Variants in GRIK4 observed in about 807,000 individuals in gnomAD.
GRIK4 encodes glutamate ionotropic receptor kainate type subunit 4, also known as glutamate receptor ionotropic, kainate 4.
Under a neutral mutation model 104.9 loss-of-function variants are expected in GRIK4, and 40 were observed. That is an observed-to-expected ratio of 0.38 (90% CI 0.30 to 0.50). The LOEUF is 0.50. Among genes scored for constraint, GRIK4 ranks in the 20% least tolerant of loss-of-function variants. The pLI, the probability that GRIK4 is intolerant of heterozygous loss-of-function variation, is 0.93. For synonymous variants in GRIK4, 485 were observed against 524.9 expected (o/e 0.92, Z 1.04); for missense variants, 1,047 against 1,308.1 (o/e 0.80, Z 3.08).
At chr11:120,831,789 G>T in intron 6 of GRIK4, 63 bp from the exon 7 acceptor site, 2 of 1,344,066 alleles carry the variant, frequency 1.5e-6, no homozygotes, top group Middle Eastern at 1.9e-4. Context: ...TCCTGCTTCT[G>T]CCCAGGTGTC....
chr11:120,897,973 CTG>C (rs1003798139), intron 11 of GRIK4, among the ~76,000 whole-genome samples: 5 of 152,058 alleles, frequency 3.3e-5, no homozygotes, highest in African/African-American at 9.7e-5. Flanking sequence ...CATGGGGAAA[CTG>C]GGGTTCTGAA....
Position 120,940,216 on chromosome 11 carries a change from T to C in GRIK4, c.1477-131T>C. ...TTCAGATCTGTATGCAGTGTTGACT[T>C]AGAGCCACTCCTCAAGCAAGAAGCC... On this transcript the variant is annotated intron_variant, in intron 13 of 20. Coordinates refer to ENST00000527524, the MANE Select transcript of GRIK4 (RefSeq NM_014619.5). This position sits in a 1 kb window ranked among gnomAD's most constrained non-coding sequence, Gnocchi z 4.3. The C allele has an allele frequency of 1.6e-6, 1 of 624,078 alleles. No homozygotes were observed. Among genetic ancestry groups the C allele is most frequent in the East Asian group, 2.7e-5 (1 of 37,138 alleles). 38.7% of individuals were successfully genotyped at this position (624,078 alleles called of 1,614,324 possible).
intron 3 of GRIK4, among the ~76,000 whole-genome samples, chr11:120,725,895 ATGG>A (rs1206632239): frequency 6.6e-6 from 1 of 152,202 alleles, no homozygotes; most frequent in Admixed American, 6.5e-5. Flanking sequence ...AATTCTAGTG[ATGG>A]TGGTGGTGGG....
At chr11:120,957,962 T>TAA (rs2134717007) in intron 16 of GRIK4, among the ~76,000 whole-genome samples, 1 of 152,340 alleles carries the variant, frequency 6.6e-6, no homozygotes, top group East Asian at 1.9e-4. Flanking sequence ...GCTTGCCTGT[T>TAA]ACCAGATAGT....
At chr11:120,871,607 G>C (rs964231899) in intron 9 of GRIK4, 1 of 456,270 alleles carries the variant, frequency 2.2e-6, no homozygotes, top group Non-Finnish European at 4.4e-6. Flanking sequence ...TGGGACCAAG[G>C]GACAGACAGG....
chr11:120,826,588 GA>G (rs1479242344), intron 6 of GRIK4, among the ~76,000 whole-genome samples: 10 of 152,350 alleles, frequency 6.6e-5, no homozygotes, highest in African/African-American at 2.4e-4. Flanking sequence ...AACACATCCT[GA>G]AATCAGGAGG....
intron 13 of GRIK4, among the ~76,000 whole-genome samples, chr11:120,924,468 G>GT (rs1184985403): frequency 1.3e-5 from 2 of 152,052 alleles, no homozygotes; most frequent in Non-Finnish European, 2.9e-5. Flanking sequence ...TGCACAAATC[G>GT]TAAGTGACAG....
At chr11:120,561,803 G>A (rs1026298617) in intron 1 of GRIK4, among the ~76,000 whole-genome samples, 5 of 152,184 alleles carry the variant, frequency 3.3e-5, no homozygotes, top group Non-Finnish European at 7.4e-5. Flanking sequence ...AGTCTTAGCT[G>A]TTTCTTTTTC....
At chr11:120,556,184 C>G (rs1249817124) in intron 1 of GRIK4, among the ~76,000 whole-genome samples, 1 of 152,102 alleles carries the variant, frequency 6.6e-6, no homozygotes, top group African/African-American at 2.4e-5. Context: ...TGTCCCCCGG[C>G]CCCTGTCACA....
chr11:120,963,152 C>T (rs796450508), intron 18 of GRIK4, among the ~76,000 whole-genome samples: 8 of 152,258 alleles, frequency 5.3e-5, no homozygotes, highest in African/African-American at 1.2e-4. Context: ...CTAAAGGAGA[C>T]GGCCATGATT....
At chr11:120,795,451 C>G (rs1474194397) in intron 3 of GRIK4, among the ~76,000 whole-genome samples, 1 of 152,236 alleles carries the variant, frequency 6.6e-6, no homozygotes, top group Non-Finnish European at 1.5e-5. Flanking sequence ...CTAATGCTGA[C>G]TGCACCATTG....
chr11:120,654,721 C>T (rs1284751547), intron 2 of GRIK4, among the ~76,000 whole-genome samples: 1 of 152,172 alleles, frequency 6.6e-6, no homozygotes, highest in Non-Finnish European at 1.5e-5. Context: ...ATCATGCAAT[C>T]CTTATAGCAA....
At position 120,891,123 on chromosome 11, in the gene GRIK4, G is replaced by A. The variant is rs997958499; in HGVS notation, c.1165-7409G>A. Reference sequence around the variant, plus strand: ...TAGGCAGGAGTGAGAGCTGTGAGCAGGCAGGATTGCCAGGGCTCCCCCTCA... The same window carrying A: ...TAGGCAGGAGTGAGAGCTGTGAGCAAGCAGGATTGCCAGGGCTCCCCCTCA... On this transcript the variant is annotated intron_variant, in intron 11 of 20. Coordinates refer to ENST00000527524, the MANE Select transcript of GRIK4 (RefSeq NM_014619.5). Among the ~76,000 whole-genome samples the A allele has an allele frequency of 6.6e-5, 10 of 152,346 alleles. No homozygotes were observed. In the East Asian group the frequency reaches 1.3e-3, roughly 21 times the overall value.
chr11:120,936,820 G>A (rs760337054), intron 13 of GRIK4, among the ~76,000 whole-genome samples: 8 of 151,920 alleles, frequency 5.3e-5, no homozygotes, highest in South Asian at 2.1e-4. Context: ...TGCTCTTTCC[G>A]CCTGGGAGCA....
At chr11:120,788,714 C>T (rs1952337767) in intron 3 of GRIK4, among the ~76,000 whole-genome samples, 1 of 152,088 alleles carries the variant, frequency 6.6e-6, no homozygotes, top group Non-Finnish European at 1.5e-5. Context: ...TTTCTCTTTC[C>T]CTTCCCACTG....
intron 6 of GRIK4, among the ~76,000 whole-genome samples, chr11:120,825,602 T>C (rs948041264): frequency 5.9e-5 from 9 of 152,188 alleles, no homozygotes; most frequent in African/African-American, 2.2e-4. Flanking sequence ...AGGAGCAGAC[T>C]TGGATCTCGA....
chr11:120,885,467 C>T (rs1403751478), intron 11 of GRIK4, among the ~76,000 whole-genome samples: 4 of 151,862 alleles, frequency 2.6e-5, no homozygotes, highest in South Asian at 4.2e-4. Flanking sequence ...CTCACTGCAA[C>T]CTGCACTTCC....
chr11:120,931,153 C>A (rs763917639), intron 13 of GRIK4, among the ~76,000 whole-genome samples: 4 of 152,176 alleles, frequency 2.6e-5, no homozygotes, highest in Non-Finnish European at 5.9e-5. Flanking sequence ...TAGTAACTGG[C>A]AGGGCGAGGA....
At chr11:120,981,981 T>C in intron 19 of GRIK4, 125 bp from the exon 20 acceptor site, 4 of 703,984 alleles carry the variant, frequency 5.7e-6, no homozygotes, top group Non-Finnish European at 1.0e-5. Context: ...AGTAGATGCA[T>C]GGGTGTCTAC....
Sources: gnomAD v4.1 joint callset for allele counts (sites outside exome capture counted in the v4.1 genomes callset) on GRCh38, gnomAD v4.1.1 for gene constraint, Gnocchi (gnomAD v3.1) non-coding constraint, MANE v1.5 for transcripts, NCBI Gene and HGNC (gene_info 2026-07-23, HGNC 2026-07-21) for gene names.